C16orf86: variants seen among roughly 807,000 people sequenced by gnomAD.
C16orf86 encodes the protein chromosome 16 open reading frame 86.
A neutral mutation model predicts 21.5 loss-of-function variants in C16orf86; 19 were observed. That is an observed-to-expected ratio of 0.88 (90% CI 0.62 to 1.30). The LOEUF (loss-of-function observed/expected upper bound fraction) is 1.30, where lower values mean the gene tolerates loss of function less well. Among genes scored for constraint, C16orf86 ranks in the 50% most tolerant of loss-of-function variants. C16orf86 has a pLI of 0.00. For synonymous variants in C16orf86, 188 were observed against 183.5 expected, an observed-to-expected ratio of 1.02 and a Z score of -0.20; for missense variants, 391 against 415.8, an observed-to-expected ratio of 0.94 and a Z score of 0.52.
chr16:67,668,318 G>T lies in C16orf86; in HGVS notation c.672G>T (p.Pro224=). The part of the protein sequence containing the change: ...AEVEAEAELA[P]VPEEGGVEQL... Reference sequence around the variant, plus strand: ...TGGAGGCAGAGGCAGAGCTGGCCCCGGTTCCCGAGGAGGGAGGTGTGGAGC... The same window carrying T: ...TGGAGGCAGAGGCAGAGCTGGCCCCTGTTCCCGAGGAGGGAGGTGTGGAGC... Residue 224 remains proline, a synonymous_variant, in exon 4 of 4, where the codon CCG becomes CCT. Coordinates refer to ENST00000403458, the MANE Select transcript of C16orf86 (RefSeq NM_001012984.3). 1 of 1,612,672 alleles carries T rather than the reference G, an allele frequency of 6.2e-7. No homozygotes were observed. The highest frequency in any genetic ancestry group is 8.5e-7 in the Non-Finnish European group (1 of 1,179,802).
intron 1 of C16orf86, 106 bp downstream of exon 1, chr16:67,667,178 G>T (rs1478642806): frequency 7.0e-7 from 1 of 1,420,300 alleles, no homozygotes; most frequent in Admixed American, 2.0e-5. Context: ...TCCAGGCGGG[G>T]AGGGGCACAG....
At position 67,668,301 on chromosome 16, in the gene C16orf86, G is replaced by A. The variant is rs2053132454; in HGVS notation, c.655G>A (p.Glu219Lys). ...GGACGGGGAGGCTGAGGTGGAGGCAGAGGCAGAGCTGGCCCCGGTTCCCGA... is the reference window on the plus strand; with the variant it reads ...GGACGGGGAGGCTGAGGTGGAGGCAAAGGCAGAGCTGGCCCCGGTTCCCGA... ...KGDGEAEVEA[E>K]AELAPVPEEG... The change falls in exon 4 of 4, where the codon GAG (glutamate) becomes AAG (lysine). Residue 219 changes from glutamate to lysine, a missense_variant. Glu to Lys is a moderately conservative substitution (Grantham distance 56, BLOSUM62 1). Transcript: ENST00000403458. 1 of 1,612,236 alleles carries A rather than the reference G, an allele frequency of 6.2e-7. No homozygotes were observed. The highest frequency in any genetic ancestry group is 1.1e-5 in the South Asian group (1 of 91,022).
intron 2 of C16orf86, 144 bp downstream of exon 2, chr16:67,667,669 C>T: frequency 6.5e-7 from 1 of 1,539,702 alleles, no homozygotes. Context: ...TCAAGAGCCC[C>T]CGTGTAGGGA....
Position 67,667,030 on chromosome 16 carries a change from G to A in C16orf86, c.60G>A (p.Gln20=). ...PGVQEATVVG[Q]GQLTEEPGSA... ...TCCAGGAGGCGACGGTCGTGGGGCA[G>A]GGACAGCTCACGGAGGAGCCCGGCA... Residue 20 remains glutamine, a synonymous_variant, in exon 1 of 4, where the codon CAG becomes CAA. Transcript: ENST00000403458. 6.9e-7 allele frequency: 1 copy of A among 1,455,784 alleles called. No homozygotes were observed. The highest frequency in any genetic ancestry group is 1.4e-5 in the African/African-American group (1 of 70,414). 90.2% of individuals were successfully genotyped at this position (1,455,784 alleles called of 1,614,324 possible). A position where few individuals can be genotyped will look rare whatever the true frequency, so the allele number is the denominator to read the frequency against.
intron 2 of C16orf86, 142 bp downstream of exon 2, chr16:67,667,667 C>T (rs2142989972): frequency 1.3e-6 from 2 of 1,540,320 alleles, no homozygotes; most frequent in African/African-American, 1.4e-5. Context: ...CCTCAAGAGC[C>T]CCCGTGTAGG....
Position 67,668,459 on chromosome 16 carries a change from A to G in C16orf86, c.813A>G (p.Gly271=), listed in dbSNP as rs1431399450. 1.2e-6 allele frequency: 2 copies of G among 1,611,892 alleles called. No individual in the cohort carries two copies. Among genetic ancestry groups the G allele is most frequent in the South Asian group, 2.2e-5 (2 of 90,942 alleles). ...TGGCTCCCCTCGGAGAGGAGGCTGG[A>G]GAGGAGCCTGGGGGCTTGCCCAGCT... The part of the protein sequence containing the change: ...HALAPLGEEA[G]EEPGGLPSLG... The change falls in exon 4 of 4, where the codon GGA becomes GGG. Residue 271 remains glycine, a synonymous_variant. Transcript: ENST00000403458.
Position 67,667,041 on chromosome 16 carries a change from C to T in C16orf86, c.71C>T (p.Thr24Met), listed in dbSNP as rs2053113520. ...ACGGTCGTGGGGCAGGGACAGCTCA[C>T]GGAGGAGCCCGGCAGCGCTCAGACC... ...EATVVGQGQL[T>M]EEPGSAQTSE... Residue 24 changes from threonine to methionine, a missense_variant, in exon 1 of 4, where the codon ACG becomes ATG. By Grantham distance (81) the Thr-to-Met change is moderately conservative (BLOSUM62 -1). Transcript: ENST00000403458. The T allele has an allele frequency of 3.4e-6, 5 of 1,454,066 alleles. No homozygotes were observed. The highest frequency in any genetic ancestry group is 2.7e-6 in the Non-Finnish European group (3 of 1,108,882). The allele number at this position is 1,454,066 out of a possible 1,614,324, so 90.1% of individuals were successfully genotyped here.
chr16:67,667,912 A>G lies in C16orf86; in HGVS notation c.367A>G (p.Lys123Glu). ...LSLPGLRAHL[K>E]AEAELPPKLP... ...CCTCCCGGGCCTTCGTGCCCATCTT[A>G]AGGCTGAAGCTGAGCTGCCACCCAA... Residue 123 changes from lysine to glutamate, a missense_variant, in exon 3 of 4, where the codon AAG (lysine) becomes GAG (glutamate). Physicochemically the swap from Lys to Glu is moderately conservative, Grantham distance 56 (BLOSUM62 1). Transcript: ENST00000403458. The G allele has an allele frequency of 2.5e-6, 4 of 1,611,246 alleles. No homozygotes were observed. The highest frequency in any genetic ancestry group is 3.4e-6 in the Non-Finnish European group (4 of 1,179,032).
Position 67,668,268 on chromosome 16 carries a change from G to T in C16orf86, c.622G>T (p.Gly208Trp). 6.2e-7 allele frequency: 1 copy of T among 1,609,258 alleles called. No homozygotes were observed. The highest frequency in any genetic ancestry group is 8.5e-7 in the Non-Finnish European group (1 of 1,178,044). The change falls in exon 4 of 4, where the codon GGG becomes TGG. Residue 208 changes from glycine (G) to tryptophan (W), a missense_variant. Coordinates refer to ENST00000403458, the MANE Select transcript of C16orf86 (RefSeq NM_001012984.3). ...NYCNPELNQA[G>W]KGDGEAEVEA... ...TTGCAACCCTGAGCTGAACCAGGCA[G>T]GGAAGGGGGACGGGGAGGCTGAGGT...
At chr16:67,667,653 C>A in intron 2 of C16orf86, 128 bp downstream of exon 2, 1 of 1,542,176 alleles carries the variant, frequency 6.5e-7, no homozygotes, top group Non-Finnish European at 8.7e-7. Flanking sequence ...ACTCTCCTCC[C>A]GTTCCTCAAG....
Position 67,667,021 on chromosome 16 carries a change from C to T in C16orf86, c.51C>T (p.Val17=), listed in dbSNP as rs149466347. 8.6e-3 allele frequency: 12,485 copies of T among 1,453,102 alleles called. 75 individuals carry two copies. Among genetic ancestry groups the T allele is most frequent in the Non-Finnish European group, 9.9e-3 (11,028 of 1,109,898 alleles). 90.0% of individuals were successfully genotyped at this position (1,453,102 alleles called of 1,614,324 possible). A position where few individuals can be genotyped will look rare whatever the true frequency, so the allele number is the denominator to read the frequency against. The part of the protein sequence containing the change: ...ERRPGVQEAT[V]VGQGQLTEEP... Reference sequence around the variant, plus strand: ...GGCCGGGGGTCCAGGAGGCGACGGTCGTGGGGCAGGGACAGCTCACGGAGG... The same window carrying T: ...GGCCGGGGGTCCAGGAGGCGACGGTTGTGGGGCAGGGACAGCTCACGGAGG... The change falls in exon 1 of 4, where the codon GTC becomes GTT. Residue 17 remains valine, a synonymous_variant. Transcript: ENST00000403458.
rs777253803 is a variant in C16orf86, at chr16:67,668,294, G to GGAGGCA, written c.658_663dup (p.Ala220_Glu221dup). The GGAGGCA allele has an allele frequency of 3.9e-5, 63 of 1,612,100 alleles. No homozygotes were observed. The East Asian group carries it at 1.3e-3, about 33-fold the overall frequency. ...GGAAGGGGGACGGGGAGGCTGAGGT[G>GGAGGCA]GAGGCAGAGGCAGAGCTGGCCCCGG... On this transcript the variant is annotated inframe_insertion, in exon 4 of 4. Transcript: ENST00000403458.
chr16:67,666,841 G>C lies in C16orf86; in HGVS notation c.-130G>C, dbSNP rs2053110566. ...AGTTTCGGCCGAGGGTGGGCTCCGC[G>C]GTCGCCGGTTTCTCTTCCCAGCTCT... On this transcript the variant is annotated 5_prime_UTR_variant, in exon 1 of 4. Transcript: ENST00000403458. 3.4e-6 allele frequency: 2 copies of C among 583,176 alleles called. No homozygotes were observed. The highest frequency in any genetic ancestry group is 5.5e-6 in the Non-Finnish European group (2 of 364,486). 36.1% of individuals were successfully genotyped at this position (583,176 alleles called of 1,614,324 possible). A position where few individuals can be genotyped will look rare whatever the true frequency, so the allele number is the denominator to read the frequency against.
intron 1 of C16orf86, 73 bp from the exon 2 acceptor site, chr16:67,667,223 T>G (rs780515531): frequency 8.5e-5 from 127 of 1,488,912 alleles, no homozygotes; most frequent in Non-Finnish European, 4.6e-5. Flanking sequence ...GTGTCTAACG[T>G]TAGGTGTTCA....
rs1428934544 is a variant in C16orf86, at chr16:67,667,304, G to A, written c.111G>A (p.Val37=). 1.2e-6 allele frequency: 2 copies of A among 1,610,356 alleles called. No homozygotes were observed. Among genetic ancestry groups the A allele is most frequent in the Non-Finnish European group, 1.7e-6 (2 of 1,178,692 alleles). ...CTGTGTGTCATCTCTAGTGTCCAGT[G>A]GCGGGAGACCAGTTCCTGGTGCCTG... ...PGSAQTSECP[V]AGDQFLVPAH... The change falls in exon 2 of 4, where the codon GTG becomes GTA. Residue 37 remains valine, a synonymous_variant. Coordinates refer to ENST00000403458, the MANE Select transcript of C16orf86 (RefSeq NM_001012984.3).
At chr16:67,667,809 G>A in intron 2 of C16orf86, 69 bp from the exon 3 acceptor site, 1 of 1,520,268 alleles carries the variant, frequency 6.6e-7, no homozygotes, top group Non-Finnish European at 8.8e-7. Context: ...GGCAGGCTGG[G>A]CTATTCCCTG....
Position 67,667,381 on chromosome 16 carries a change from C to T in C16orf86, c.188C>T (p.Ala63Val). The T allele has an allele frequency of 1.2e-6, 2 of 1,612,672 alleles. No individual in the cohort carries two copies. The highest frequency in any genetic ancestry group is 1.3e-5 in the African/African-American group (1 of 75,070). Residue 63 changes from alanine to valine, a missense_variant, in exon 2 of 4, where the codon GCT becomes GTT. Physicochemically the swap from Ala to Val is moderately conservative, Grantham distance 64 (BLOSUM62 0). Transcript: ENST00000403458. ...QSEDQRPAGAASESELQEEGP... is the reference protein window; with the variant it reads ...QSEDQRPAGAVSESELQEEGP... ...GAAGACCAGCGCCCAGCAGGCGCAG[C>T]TTCGGAGTCGGAGCTCCAGGAGGAA...
Position 67,667,892 on chromosome 16 carries a change from C to T in C16orf86, c.347C>T (p.Pro116Leu), listed in dbSNP as rs762237072. The stretch of plus-strand genomic sequence containing the variant: ...CCCTGGCTCAGGTCTCTCAGCCTCC[C>T]GGGCCTTCGTGCCCATCTTAAGGCT... ...KRKPVKSLSL[P>L]GLRAHLKAEA... Residue 116 changes from proline (P) to leucine (L), a missense_variant, in exon 3 of 4, where the codon CCG (proline) becomes CTG (leucine). Physicochemically the swap from Pro to Leu is moderately conservative, Grantham distance 98 (BLOSUM62 -3). Coordinates refer to ENST00000403458, the MANE Select transcript of C16orf86 (RefSeq NM_001012984.3). The T allele has an allele frequency of 1.1e-5, 17 of 1,597,482 alleles. No individual in the cohort carries two copies. The highest frequency in any genetic ancestry group is 1.0e-4 in the South Asian group (9 of 89,410).
rs2053112396 is a variant in C16orf86 at position 67,666,969 on chromosome 16, C to T, written c.-2C>T. On this transcript the variant is annotated 5_prime_UTR_variant, in exon 1 of 4. Coordinates refer to ENST00000403458, the MANE Select transcript of C16orf86 (RefSeq NM_001012984.3). ...TCGAGGACGCACTCAGCCTGCGCAG[C>T]CATGGCCTCGGCAGGGGCGGAGAGG... 1.4e-6 allele frequency: 2 copies of T among 1,446,840 alleles called. No individual in the cohort carries two copies. Among genetic ancestry groups the T allele is most frequent in the African/African-American group, 2.9e-5 (2 of 69,828 alleles). 89.6% of individuals were successfully genotyped at this position (1,446,840 alleles called of 1,614,324 possible).
Sources: allele counts gnomAD v4.1 joint callset, GRCh38; gene constraint gnomAD v4.1.1; transcripts MANE v1.5; gene names NCBI Gene and HGNC (gene_info 2026-07-23, HGNC 2026-07-21).